Variants in THUMPD2 observed in about 807,000 individuals in gnomAD.
THUMPD2 encodes the protein U6 snRNA (guanine-N(2))-methyltransferase THUMPD2.
THUMPD2 carries 56 observed loss-of-function variants against 49.4 expected under a neutral mutation model. The observed-to-expected ratio is 1.13, with a 90% CI of 0.91 to 1.41. THUMPD2 has a LOEUF of 1.41. THUMPD2 is among the 40% of genes most tolerant of loss of function. The probability of loss-of-function intolerance (pLI) is 0.00; values close to 1 mark genes in which losing one functional copy is unlikely to be tolerated. For missense variants in THUMPD2, 709 were observed against 594.5 expected (o/e 1.19, Z -2.00); for synonymous variants, 237 against 205.2 (o/e 1.15, Z -1.32).
intron 5 of THUMPD2, among the ~76,000 whole-genome samples, chr2:39,764,353 A>G (rs556431807): frequency 1.3e-5 from 2 of 152,228 alleles, no homozygotes; most frequent in South Asian, 2.1e-4. Context: ...GAGAAATATG[A>G]TAACTTGCCC....
intron 4 of THUMPD2, among the ~76,000 whole-genome samples, chr2:39,766,998 A>G (rs997767945): frequency 2.6e-5 from 4 of 152,224 alleles, no homozygotes; most frequent in South Asian, 2.1e-4. Flanking sequence ...ACATGTTCAT[A>G]TATCAAATGT....
At chr2:39,760,789 T>C (rs1022951463) in intron 6 of THUMPD2, among the ~76,000 whole-genome samples, 3 of 152,268 alleles carry the variant, frequency 2.0e-5, no homozygotes, top group Non-Finnish European at 2.9e-5. Context: ...CAATGATGTA[T>C]TGATAGTCAT....
At chr2:39,773,158 A>G (rs1678563973) in intron 1 of THUMPD2, among the ~76,000 whole-genome samples, 1 of 152,228 alleles carries the variant, frequency 6.6e-6, no homozygotes, top group Non-Finnish European at 1.5e-5. Flanking sequence ...CATTTTCCCA[A>G]AACTAAAGTA....
intron 4 of THUMPD2, among the ~76,000 whole-genome samples, chr2:39,767,603 C>CAAAAAAAAAAAAAAAAA (rs57906396): frequency 8.6e-4 from 58 of 67,790 alleles, no homozygotes; most frequent in African/African-American, 4.3e-3. Flanking sequence ...GACTCCGTCT[C>CAAAAAAAAAAAAAAAAA]AAAAAAAAAA....
intron 1 of THUMPD2, among the ~76,000 whole-genome samples, chr2:39,774,359 C>T (rs777349661): frequency 6.6e-6 from 1 of 152,004 alleles, no homozygotes; most frequent in African/African-American, 2.4e-5. Context: ...TCTAAATAAC[C>T]TATTTAGAAG....
At chr2:39,740,027 T>C (rs1156994584) in intron 9 of THUMPD2, among the ~76,000 whole-genome samples, 5 of 152,214 alleles carry the variant, frequency 3.3e-5, no homozygotes, top group Non-Finnish European at 5.9e-5. Flanking sequence ...CTAATATTTA[T>C]TGAGTACTTA....
In THUMPD2 at chr2:39,756,404, C is replaced by G. The variant is rs1017352109; in HGVS notation, c.892-444G>C. On this transcript the variant is annotated intron_variant, in intron 6 of 9. Coordinates refer to ENST00000505747, the MANE Select transcript of THUMPD2 (RefSeq NM_025264.5). ...CTGAGAATGGCGTGAACCTGGGAGG[C>G]AGAGCTTGCAATGAGCAGAGATCGC... Among the ~76,000 whole-genome samples, 45 of 149,742 alleles carry G rather than the reference C, an allele frequency of 3.0e-4. 1 individual carries two copies. The highest frequency in any genetic ancestry group is 1.0e-3 in the African/African-American group (42 of 40,436).
At chr2:39,739,553 C>A (rs1558483469) in intron 9 of THUMPD2, among the ~76,000 whole-genome samples, 2 of 152,306 alleles carry the variant, frequency 1.3e-5, no homozygotes, top group South Asian at 4.1e-4. Context: ...ACTGATTAAC[C>A]ATCTGTCTTC....
At chr2:39,753,016 G>GT (rs1675622766) in intron 8 of THUMPD2, among the ~76,000 whole-genome samples, 1 of 151,982 alleles carries the variant, frequency 6.6e-6, no homozygotes, top group African/African-American at 2.4e-5. Context: ...TCCTTCCTCC[G>GT]TCATGCCAAA....
At chr2:39,747,901 T>G (rs1388905290) in intron 8 of THUMPD2, among the ~76,000 whole-genome samples, 1 of 152,170 alleles carries the variant, frequency 6.6e-6, no homozygotes, top group African/African-American at 2.4e-5. Flanking sequence ...CCTTCACAAT[T>G]TCATTCCATT....
At chr2:39,759,401 C>T (rs919849183) in intron 6 of THUMPD2, among the ~76,000 whole-genome samples, 1 of 151,896 alleles carries the variant, frequency 6.6e-6, no homozygotes, top group African/African-American at 2.4e-5. Flanking sequence ...AGGCACTGTT[C>T]TAATCATTTT....
intron 5 of THUMPD2, among the ~76,000 whole-genome samples, chr2:39,763,507 T>C (rs766668233): frequency 3.3e-5 from 5 of 152,144 alleles, no homozygotes; most frequent in Non-Finnish European, 5.9e-5. Flanking sequence ...CACTGTTTTC[T>C]TTCCCTACAT....
At chr2:39,741,821 A>AT (rs542839804) in intron 9 of THUMPD2, among the ~76,000 whole-genome samples, 64 of 151,960 alleles carry the variant, frequency 4.2e-4, no homozygotes, top group African/African-American at 1.5e-3. Flanking sequence ...TATCCCTTCC[A>AT]TTTTCTATCT....
Position 39,736,993 on chromosome 2 carries a change from A to G in THUMPD2, c.1254T>C (p.Asp418=), listed in dbSNP as rs762045642. Residue 418 remains aspartate (D), a synonymous_variant, in exon 10 of 10, where the codon GAT becomes GAC. Transcript: ENST00000505747. ...TGAAAGGGATGTTGCTCTCTTTACA[A>G]TCTGTAAGGCGCCTGTGGTGATCTT... ...LSEDHHRRLT[D]CKESNIPFNS... The G allele has an allele frequency of 6.2e-7, 1 of 1,613,996 alleles. No individual in the cohort carries two copies. The highest frequency in any genetic ancestry group is 1.7e-5 in the Admixed American group (1 of 59,994).
chr2:39,770,640 C>T (rs894556482), intron 2 of THUMPD2, among the ~76,000 whole-genome samples: 5 of 151,968 alleles, frequency 3.3e-5, no homozygotes, highest in Admixed American at 2.0e-4. Context: ...AGCATACTGC[C>T]AGTATGCTCA....
chr2:39,744,317 C>A lies in THUMPD2; in HGVS notation c.1187+53G>T, dbSNP rs914966150. The A allele has an allele frequency of 3.8e-6, 4 of 1,065,156 alleles. 1 individual carries two copies. In the Admixed American group the frequency reaches 1.1e-4, roughly 30 times the overall value. 66.0% of individuals were successfully genotyped at this position (1,065,156 alleles called of 1,614,324 possible). On this transcript the variant is annotated intron_variant, in intron 9 of 9. Transcript: ENST00000505747. ...TTAACTGAAGAGCTATGATGTATTT[C>A]GGTTAAATGCCCAGTAGCTAAAAAA...
intron 6 of THUMPD2, among the ~76,000 whole-genome samples, chr2:39,758,527 AG>A (rs559306768): frequency 2.0e-5 from 3 of 152,240 alleles, no homozygotes; most frequent in East Asian, 3.9e-4. Context: ...CCCAGAGGGG[AG>A]AATCAGTGGA....
At chr2:39,776,519 G>A (rs542354394) in intron 1 of THUMPD2, among the ~76,000 whole-genome samples, 228 of 151,338 alleles carry the variant, frequency 1.5e-3, no homozygotes, top group Admixed American at 2.8e-3. Context: ...TCAGCCTCCC[G>A]AACAGCCGGG....
At chr2:39,737,176 T>C in intron 9 of THUMPD2, 117 bp from the exon 10 acceptor site, 2 of 995,948 alleles carry the variant, frequency 2.0e-6, no homozygotes, top group South Asian at 1.8e-5. Flanking sequence ...TCCATTTAAA[T>C]ATAAGGATTT....
Sources: gnomAD v4.1 joint callset for allele counts (sites outside exome capture counted in the v4.1 genomes callset) on GRCh38, gnomAD v4.1.1 for gene constraint, MANE v1.5 for transcripts, NCBI Gene and HGNC (gene_info 2026-07-23, HGNC 2026-07-21) for gene names.